The following ARB2A variants were observed in gnomAD, a reference collection of about 807,000 sequenced individuals.
ARB2A encodes the protein ARB2 cotranscriptional regulator A.
At chr5:93,639,076 T>C in the ARB2A span, among the ~76,000 whole-genome samples, 1 of 152,208 alleles carries the variant, frequency 6.6e-6, no homozygotes, top group East Asian at 1.9e-4. Flanking sequence ...ACTAAAGAGA[T>C]GAATAAAATA....
the ARB2A span, among the ~76,000 whole-genome samples, chr5:93,909,078 T>A: frequency 1.3e-5 from 2 of 151,018 alleles, no homozygotes; most frequent in African/African-American, 4.8e-5. Context: ...AGAGAAATTG[T>A]GAATAAGAAG....
the ARB2A span, chr5:93,861,194 C>T: frequency 6.6e-6 from 1 of 152,012 alleles, no homozygotes; most frequent in African/African-American, 2.4e-5. Flanking sequence ...TCTCCTGAAC[C>T]CAAACATGCA....
the ARB2A span, among the ~76,000 whole-genome samples, chr5:94,057,617 T>C: frequency 1.3e-5 from 2 of 152,216 alleles, no homozygotes; most frequent in African/African-American, 4.8e-5. Context: ...ATTAAATAAA[T>C]GAGTATTTAA....
the ARB2A span, among the ~76,000 whole-genome samples, chr5:93,641,645 C>A: frequency 6.6e-6 from 1 of 151,848 alleles, no homozygotes; most frequent in East Asian, 1.9e-4. Context: ...ACTTTGGAAA[C>A]CACAATAATA....
At chr5:93,719,297 T>A in the ARB2A span, among the ~76,000 whole-genome samples, 13 of 152,230 alleles carry the variant, frequency 8.5e-5, no homozygotes, top group Non-Finnish European at 1.5e-4. Context: ...GCTTATTTAA[T>A]TCTGTCTGAA....
chr5:94,104,133 A>G, the ARB2A span, among the ~76,000 whole-genome samples: 3 of 151,794 alleles, frequency 2.0e-5, no homozygotes, highest in Non-Finnish European at 4.4e-5. Context: ...CCCCAAAGCT[A>G]GCAGAAGAAA....
the ARB2A span, among the ~76,000 whole-genome samples, chr5:93,867,533 T>C: frequency 3.3e-4 from 51 of 152,300 alleles, 1 homozygote; most frequent in Non-Finnish European, 4.7e-4. Context: ...TTCTCCTGCC[T>C]CAGCCTCCCG....
At chr5:93,755,184 A>G in the ARB2A span, among the ~76,000 whole-genome samples, 7 of 152,188 alleles carry the variant, frequency 4.6e-5, no homozygotes, top group African/African-American at 1.7e-4. Flanking sequence ...TTGTCCTCAT[A>G]TTTATACAAG....
the ARB2A span, among the ~76,000 whole-genome samples, chr5:93,770,783 A>C: frequency 4.6e-5 from 7 of 152,278 alleles, no homozygotes; most frequent in East Asian, 1.4e-3. Flanking sequence ...ACTACAAAAC[A>C]CTGCTCAATG....
chr5:94,077,004 A>C, the ARB2A span, among the ~76,000 whole-genome samples: 1 of 152,208 alleles, frequency 6.6e-6, no homozygotes, highest in South Asian at 2.1e-4. Context: ...AAGATTAAAT[A>C]AAAATTAATA....
the ARB2A span, among the ~76,000 whole-genome samples, chr5:93,840,377 A>G: frequency 6.6e-6 from 1 of 152,270 alleles, no homozygotes; most frequent in East Asian, 1.9e-4. Context: ...TCAGAACCAT[A>G]TTTAAATATT....
the ARB2A span, among the ~76,000 whole-genome samples, chr5:93,888,962 T>C: frequency 1.3e-5 from 2 of 151,770 alleles, no homozygotes; most frequent in Non-Finnish European, 3.0e-5. Flanking sequence ...ACTATGCTAG[T>C]TATACTTAAG....
the ARB2A span, among the ~76,000 whole-genome samples, chr5:93,725,256 C>T: frequency 6.6e-6 from 1 of 151,966 alleles, no homozygotes; most frequent in Non-Finnish European, 1.5e-5. Flanking sequence ...TATTTTCTAC[C>T]TTCTCTGAGG....
At chr5:93,632,348 G>C in the ARB2A span, among the ~76,000 whole-genome samples, 1 of 152,190 alleles carries the variant, frequency 6.6e-6, no homozygotes, top group East Asian at 1.9e-4. Flanking sequence ...GCTTTAGGCA[G>C]AGTTGTGGAA....
At chr5:93,731,980 C>T in the ARB2A span, among the ~76,000 whole-genome samples, 1 of 152,160 alleles carries the variant, frequency 6.6e-6, no homozygotes, top group Admixed American at 6.6e-5. Flanking sequence ...AGGAAGAAAA[C>T]CTAAGTCCAA....
chr5:93,717,126 TGATGA>T, the ARB2A span, among the ~76,000 whole-genome samples: 11 of 152,200 alleles, frequency 7.2e-5, no homozygotes, highest in Non-Finnish European at 1.6e-4. Flanking sequence ...GTGAAATATA[TGATGA>T]GATGGTATCT....
the ARB2A span, among the ~76,000 whole-genome samples, chr5:93,996,164 A>G: frequency 5.9e-5 from 9 of 152,146 alleles, no homozygotes; most frequent in South Asian, 1.9e-3. Context: ...TTGGTATAAT[A>G]TATATTATCT....
At chr5:94,106,777 C>T in the ARB2A span, among the ~76,000 whole-genome samples, 1 of 149,244 alleles carries the variant, frequency 6.7e-6, no homozygotes, top group Non-Finnish European at 1.5e-5. Flanking sequence ...ACATATACAC[C>T]ACGGAACACC....
At chr5:93,694,100 T>C in the ARB2A span, among the ~76,000 whole-genome samples, 2 of 152,104 alleles carry the variant, frequency 1.3e-5, no homozygotes, top group Non-Finnish European at 2.9e-5. Context: ...TGTGCAAAAC[T>C]TGGAAGCATT....
Sources: gnomAD v4.1 joint callset for allele counts (sites outside exome capture counted in the v4.1 genomes callset) on GRCh38, gnomAD v4.1.1 for gene constraint, MANE v1.5 for transcripts, NCBI Gene and HGNC (gene_info 2026-07-23, HGNC 2026-07-21) for gene names.